The following ORC1 variants were observed in gnomAD, a reference collection of about 807,000 sequenced individuals.
The protein encoded by ORC1 is origin recognition complex, subunit 1 homolog.
Under a neutral mutation model 98.9 loss-of-function variants are expected in ORC1, and 61 were observed. That is an observed-to-expected ratio of 0.62 (90% confidence interval 0.50 to 0.76). ORC1 has a LOEUF of 0.76. Among genes scored for constraint, ORC1 ranks in the 30% least tolerant of loss-of-function variants. The pLI, the probability that ORC1 is intolerant of heterozygous loss-of-function variation, is 0.00. For synonymous variants in ORC1, 385 were observed against 406.9 expected (o/e 0.95, Z 0.65); for missense variants, 979 against 1,072.2 (o/e 0.91, Z 1.21).
chr1:52,384,445 G>A, intron 11 of ORC1, 105 bp downstream of exon 11: 2 of 999,484 alleles, frequency 2.0e-6, no homozygotes, highest in Non-Finnish European at 3.2e-6. Flanking sequence ...GACAATGCCT[G>A]GTATATCATG....
Position 52,383,375 on chromosome 1 carries a change from C to T in ORC1, c.2013+45G>A, listed in dbSNP as rs772704378. 7 of 1,610,680 alleles carry T rather than the reference C, an allele frequency of 4.3e-6. No homozygotes were observed. In the Admixed American group the frequency reaches 6.7e-5, roughly 15 times the overall value. ...ATTTTTGCAGAACTTCTTGGCCAAG[C>T]TTACAGATCTGCAAGAACAGCATGG... is the stretch of plus-strand genomic sequence containing the variant. On this transcript the variant is annotated intron_variant, in intron 13 of 16. Coordinates refer to ENST00000371568, the MANE Select transcript of ORC1 (RefSeq NM_004153.4).
intron 6 of ORC1, among the ~76,000 whole-genome samples, chr1:52,389,669 G>C (rs1366749386): frequency 6.6e-6 from 1 of 152,130 alleles, no homozygotes; most frequent in Admixed American, 6.5e-5. Context: ...CTCAAGGTTA[G>C]CAGAAATGCA....
At position 52,397,877 on chromosome 1, in the gene ORC1, G is replaced by T. The variant is rs1252453615; in HGVS notation, c.224-14C>A. 6 of 1,613,532 alleles carry T rather than the reference G, an allele frequency of 3.7e-6. 1 individual carries two copies. The Admixed American group carries it at 6.7e-5, about 18-fold the overall frequency. On this transcript the variant is annotated splice_polypyrimidine_tract_variant and intron_variant, in intron 3 of 16. Coordinates refer to ENST00000371568, the MANE Select transcript of ORC1 (RefSeq NM_004153.4). ...GAGGATCAGAGTCTAGAAAGAATTT[G>T]GTGGAAAGGGAAAGGTTAAGACAAC...
intron 13 of ORC1, among the ~76,000 whole-genome samples, chr1:52,382,899 A>G (rs1453423001): frequency 6.6e-6 from 1 of 151,778 alleles, no homozygotes; most frequent in Non-Finnish European, 1.5e-5. Flanking sequence ...TTTTTTTTAA[A>G]TAATTAAACC....
chr1:52,374,929 T>A (rs773237605), intron 15 of ORC1, 32 bp from the exon 16 acceptor site: 1 of 1,402,290 alleles, frequency 7.1e-7, no homozygotes, highest in Admixed American at 1.7e-5. Context: ...TGAGTTTTTG[T>A]CAGTGGCTGT....
intron 1 of ORC1, among the ~76,000 whole-genome samples, chr1:52,403,109 T>A (rs1388260515): frequency 7.9e-5 from 12 of 152,220 alleles, no homozygotes; most frequent in African/African-American, 2.2e-4. Context: ...TTACAATAAA[T>A]CAGGCTTCCC....
intron 13 of ORC1, among the ~76,000 whole-genome samples, chr1:52,382,142 C>G (rs182215674): frequency 6.6e-6 from 1 of 152,168 alleles, no homozygotes; most frequent in Non-Finnish European, 1.5e-5. Context: ...CCACGCCCAG[C>G]TAATTTTTTT....
At chr1:52,387,156 AC>A (rs1382114924) in intron 8 of ORC1, among the ~76,000 whole-genome samples, 4 of 152,142 alleles carry the variant, frequency 2.6e-5, no homozygotes, top group Non-Finnish European at 5.9e-5. Context: ...AGGAACCAGG[AC>A]ACAGCAGGAG....
intron 12 of ORC1, 27 bp from the exon 13 acceptor site, chr1:52,383,596 G>T (rs1417444410): frequency 1.2e-6 from 2 of 1,613,334 alleles, no homozygotes; most frequent in South Asian, 1.1e-5. Context: ...GAGAGGTGCA[G>T]AGTCAATCAC....
chr1:52,377,419 C>A (rs1647007868), intron 14 of ORC1, among the ~76,000 whole-genome samples: 1 of 152,120 alleles, frequency 6.6e-6, no homozygotes, highest in South Asian at 2.1e-4. Flanking sequence ...GGACTACAGG[C>A]ACATGCCATC....
intron 3 of ORC1, among the ~76,000 whole-genome samples, chr1:52,401,022 A>G (rs984517338): frequency 6.6e-6 from 1 of 152,212 alleles, no homozygotes. Flanking sequence ...AAACTAAAGG[A>G]CACATCTCTA....
At chr1:52,408,220 A>G (rs1335183289), upstream of ORC1, 2 of 369,144 alleles carry the variant, frequency 5.4e-6, no homozygotes, top group Admixed American at 7.2e-5. Context: ...AGCCTGGGCA[A>G]CAGAGCAAGA....
chr1:52,375,319 T>C (rs777135612), intron 15 of ORC1, 111 bp downstream of exon 15: 5 of 954,460 alleles, frequency 5.2e-6, no homozygotes, highest in Non-Finnish European at 8.4e-6. Flanking sequence ...ATAATGTCCC[T>C]ATGAAACATA....
chr1:52,397,602 G>A (rs1647464735), intron 4 of ORC1, 83 bp downstream of exon 4: 12 of 1,270,224 alleles, frequency 9.4e-6, no homozygotes, highest in East Asian at 2.3e-5. Context: ...TATTAGAGCC[G>A]GTAATATTTC....
intron 5 of ORC1, 111 bp from the exon 6 acceptor site, chr1:52,393,914 A>G: frequency 1.7e-6 from 2 of 1,186,622 alleles, no homozygotes; most frequent in South Asian, 1.3e-5. Flanking sequence ...GGAATTATCT[A>G]TATTTTTAAT....
rs1167515847 is a variant in ORC1, at chr1:52,393,462, G to T, written c.1063C>A (p.Pro355Thr). Residue 355 changes from proline (P) to threonine (T), a missense_variant, in exon 6 of 17, where the codon CCA becomes ACA. Physicochemically the swap from Pro to Thr is conservative, Grantham distance 38. Transcript: ENST00000371568. ...SSVVPSVILK[P>T]ENIKKRDAKE... is the part of the protein sequence containing the mutation. ...GGTCACCTCTTTTTGATGTTTTCTG[G>T]TTTCAGAATCACGGATGGCACCACT... is the stretch of plus-strand genomic sequence containing the variant. 3.7e-6 allele frequency: 6 copies of T among 1,614,100 alleles called. No homozygotes were observed. The South Asian group carries it at 6.6e-5, about 18-fold the overall frequency.
Position 52,396,264 on chromosome 1 carries a change from A to C in ORC1, c.503T>G (p.Leu168Arg). 1 of 1,614,222 alleles carries C rather than the reference A, an allele frequency of 6.2e-7. No homozygotes were observed. The highest frequency in any genetic ancestry group is 8.5e-7 in the Non-Finnish European group (1 of 1,180,040). ...CAACTCCGCAAATAGTTCTGAGGAA[A>C]GTGGCCTGAATTTCTTCTCATTCCA... The part of the protein sequence containing the change: ...LSWNEKKFRP[L>R]SSELFAELNK... The change falls in exon 5 of 17, where the codon CTT becomes CGT. Residue 168 changes from leucine (L) to arginine (R), a missense_variant. Transcript: ENST00000371568.
At chr1:52,396,774 G>A (rs190280946) in intron 4 of ORC1, among the ~76,000 whole-genome samples, 3 of 151,846 alleles carry the variant, frequency 2.0e-5, no homozygotes, top group South Asian at 2.1e-4. Flanking sequence ...CATTCTGTTC[G>A]CCTATGCCAA....
At chr1:52,380,715 C>T (rs898427078) in intron 14 of ORC1, among the ~76,000 whole-genome samples, 3 of 150,716 alleles carry the variant, frequency 2.0e-5, no homozygotes, top group African/African-American at 7.3e-5. Context: ...AAAAGGGTGG[C>T]ATAAAAAAAG....
Sources: gnomAD v4.1 joint callset for allele counts (sites outside exome capture counted in the v4.1 genomes callset) on GRCh38, gnomAD v4.1.1 for gene constraint, MANE v1.5 for transcripts, NCBI Gene and HGNC (gene_info 2026-07-23, HGNC 2026-07-21) for gene names.